The following CSNK2A2IP variants were observed in gnomAD, a reference collection of about 807,000 sequenced individuals.
CSNK2A2IP encodes the protein casein kinase II subunit alpha'-interacting protein.
the CSNK2A2IP span, chr3:88,466,588 C>T: frequency 2.6e-5 from 32 of 1,231,584 alleles, no homozygotes; most frequent in Non-Finnish European, 3.2e-5. Flanking sequence ...TAAAGAAATT[C>T]CTTGGACTTT....
chr3:88,355,759 C>T, the CSNK2A2IP span, among the ~76,000 whole-genome samples: 48 of 152,136 alleles, frequency 3.2e-4, no homozygotes, highest in African/African-American at 7.5e-4. Flanking sequence ...GACTAGAATG[C>T]CTTTGAATTA....
chr3:88,427,668 G>GC, the CSNK2A2IP span, among the ~76,000 whole-genome samples: 1 of 152,190 alleles, frequency 6.6e-6, no homozygotes, highest in Non-Finnish European at 1.5e-5. Context: ...GTGGGTTCAA[G>GC]CCCCAAGCCT....
the CSNK2A2IP span, among the ~76,000 whole-genome samples, chr3:88,405,974 TA>T: frequency 0.032 from 4,876 of 150,856 alleles, 249 homozygotes; most frequent in African/African-American, 0.11. Context: ...TTTTTTCATC[TA>T]AAAAAAAATG....
At chr3:88,380,576 A>G in the CSNK2A2IP span, among the ~76,000 whole-genome samples, 4 of 152,058 alleles carry the variant, frequency 2.6e-5, no homozygotes, top group Non-Finnish European at 5.9e-5. Context: ...AAACCTATTC[A>G]TAAAACTGTT....
chr3:88,404,279 A>G, the CSNK2A2IP span, among the ~76,000 whole-genome samples: 235 of 152,272 alleles, frequency 1.5e-3, 1 homozygote, highest in African/African-American at 5.2e-3. Context: ...CTTAACACCA[A>G]TGGAAATGCT....
the CSNK2A2IP span, among the ~76,000 whole-genome samples, chr3:88,352,619 C>T: frequency 2.6e-5 from 4 of 151,912 alleles, no homozygotes; most frequent in African/African-American, 7.3e-5. Flanking sequence ...CGCTCCATCA[C>T]CCAGGATGGA....
At chr3:88,454,939 G>A in the CSNK2A2IP span, among the ~76,000 whole-genome samples, 2 of 151,840 alleles carry the variant, frequency 1.3e-5, no homozygotes, top group East Asian at 1.9e-4. Context: ...GTTACTGTGT[G>A]TTTGACCTTT....
At chr3:88,409,167 T>C in the CSNK2A2IP span, among the ~76,000 whole-genome samples, 1 of 152,084 alleles carries the variant, frequency 6.6e-6, no homozygotes, top group Non-Finnish European at 1.5e-5. Flanking sequence ...GTGTAGGCAA[T>C]TTGATTCCAA....
At chr3:88,448,919 A>G in the CSNK2A2IP span, among the ~76,000 whole-genome samples, 94 of 152,328 alleles carry the variant, frequency 6.2e-4, no homozygotes, top group Middle Eastern at 6.8e-3. Flanking sequence ...CTGTTTATAA[A>G]TGTTTTTGCA....
chr3:88,401,420 A>C, the CSNK2A2IP span, among the ~76,000 whole-genome samples: 3 of 152,128 alleles, frequency 2.0e-5, no homozygotes, highest in Non-Finnish European at 2.9e-5. Flanking sequence ...AATAGTCTTC[A>C]GTTCATGCAG....
chr3:88,364,466 A>T, the CSNK2A2IP span, among the ~76,000 whole-genome samples: 1 of 152,100 alleles, frequency 6.6e-6, no homozygotes, highest in Non-Finnish European at 1.5e-5. Context: ...AATGTGAGAC[A>T]GGAGTATAAA....
At chr3:88,376,046 C>A in the CSNK2A2IP span, among the ~76,000 whole-genome samples, 1 of 151,686 alleles carries the variant, frequency 6.6e-6, no homozygotes, top group Admixed American at 6.6e-5. Flanking sequence ...CCCTGGCTGA[C>A]CAAAATCTAT....
At chr3:88,417,661 C>T in the CSNK2A2IP span, among the ~76,000 whole-genome samples, 12 of 152,136 alleles carry the variant, frequency 7.9e-5, no homozygotes, top group Non-Finnish European at 1.8e-4. Context: ...TTTAGTAAGA[C>T]CTGATTGCTC....
the CSNK2A2IP span, among the ~76,000 whole-genome samples, chr3:88,372,688 A>T: frequency 1.3e-5 from 2 of 151,446 alleles, no homozygotes; most frequent in Admixed American, 1.3e-4. Flanking sequence ...CACAATAGAT[A>T]AAAAAAGCAA....
the CSNK2A2IP span, among the ~76,000 whole-genome samples, chr3:88,434,644 C>T: frequency 6.6e-6 from 1 of 152,086 alleles, no homozygotes; most frequent in Non-Finnish European, 1.5e-5. Flanking sequence ...GCTATGAAAA[C>T]CAGTTGTAAT....
the CSNK2A2IP span, among the ~76,000 whole-genome samples, chr3:88,463,486 T>G: frequency 1.3e-5 from 2 of 152,238 alleles, no homozygotes; most frequent in African/African-American, 4.8e-5. Context: ...CACTTTTTGA[T>G]GGGGTTGTAA....
chr3:88,417,075 A>T, the CSNK2A2IP span, among the ~76,000 whole-genome samples: 4 of 150,814 alleles, frequency 2.7e-5, no homozygotes, highest in African/African-American at 7.3e-5. Context: ...ATTATATAAG[A>T]TTACTAGACA....
the CSNK2A2IP span, among the ~76,000 whole-genome samples, chr3:88,340,096 G>C: frequency 6.6e-6 from 1 of 151,998 alleles, no homozygotes; most frequent in Non-Finnish European, 1.5e-5. Flanking sequence ...GAAAGAGCTT[G>C]GGTTTAAAAT....
chr3:88,385,602 A>C, the CSNK2A2IP span, among the ~76,000 whole-genome samples: 795 of 152,296 alleles, frequency 5.2e-3, 8 homozygotes, highest in African/African-American at 0.018. Context: ...TTTTAAATAG[A>C]TACTACTAGA....
Sources: allele counts gnomAD v4.1 joint callset (sites outside exome capture counted in the v4.1 genomes callset), GRCh38; gene constraint gnomAD v4.1.1; transcripts MANE v1.5; gene names NCBI Gene and HGNC (gene_info 2026-07-23, HGNC 2026-07-21).